Variants in HS3ST4 observed in about 807,000 individuals in gnomAD.
The protein encoded by HS3ST4 is heparan sulfate-glucosamine 3-sulfotransferase 4, also known as heparan sulfate glucosamine 3-O-sulfotransferase 4.
A neutral mutation model predicts 29.2 loss-of-function variants in HS3ST4; 17 were observed. The ratio of observed to expected loss-of-function variants is 0.58; its 90% CI spans 0.40 to 0.87. The LOEUF (loss-of-function observed/expected upper bound fraction) is 0.87, where lower values mean the gene tolerates loss of function less well. Among genes scored for constraint, HS3ST4 ranks in the 40% least tolerant of loss-of-function variants. The pLI is 0.00. For missense variants in HS3ST4, 627 were observed against 634.5 expected (o/e 0.99, Z 0.13); for synonymous variants, 314 against 285.7 (o/e 1.10, Z -1.00).
At chr16:25,942,589 C>A (rs528873663) in intron 1 of HS3ST4, among the ~76,000 whole-genome samples, 1 of 151,302 alleles carries the variant, frequency 6.6e-6, no homozygotes, top group South Asian at 2.1e-4. Flanking sequence ...TTATATTATT[C>A]TACTGTGTCA....
chr16:25,944,470 T>TG lies in HS3ST4; in HGVS notation c.735-191136dup, dbSNP rs374521021. On this transcript the variant is annotated intron_variant, in intron 1 of 1. Transcript: ENST00000331351. ...CCATGAATGCCTAAGCAAAACCCCC[T>TG]GGGGGGTAGGCACTAAAACCACAAT... Among the ~76,000 whole-genome samples the TG allele has an allele frequency of 3.0e-3, 456 of 152,332 alleles. 4 individuals are homozygous for TG. The Middle Eastern group carries it at 0.054, about 18-fold the overall frequency.
intron 1 of HS3ST4, among the ~76,000 whole-genome samples, chr16:26,036,657 G>T (rs567845757): frequency 3.3e-5 from 5 of 152,288 alleles, no homozygotes; most frequent in Admixed American, 1.3e-4. Flanking sequence ...TGTCTCTCCA[G>T]AGATATTAAA....
intron 1 of HS3ST4, among the ~76,000 whole-genome samples, chr16:25,933,902 C>T (rs1344479620): frequency 1.3e-5 from 2 of 152,162 alleles, no homozygotes; most frequent in African/African-American, 4.8e-5. Context: ...ATGAGGAATC[C>T]ACCCCCATAA....
chr16:25,809,190 C>T (rs1366860549), intron 1 of HS3ST4, among the ~76,000 whole-genome samples: 3 of 151,990 alleles, frequency 2.0e-5, no homozygotes, highest in African/African-American at 4.8e-5. Flanking sequence ...TGAGAAAGTA[C>T]GTAGTTTTTC....
chr16:25,867,898 A>G (rs1967712295), intron 1 of HS3ST4, among the ~76,000 whole-genome samples: 1 of 152,142 alleles, frequency 6.6e-6, no homozygotes, highest in Non-Finnish European at 1.5e-5. Context: ...ACACAGATAC[A>G]CAGGTAGATA....
chr16:25,784,158 T>C (rs1370741393), intron 1 of HS3ST4, among the ~76,000 whole-genome samples: 1 of 152,236 alleles, frequency 6.6e-6, no homozygotes, highest in Non-Finnish European at 1.5e-5. Flanking sequence ...GCAAAATTAA[T>C]CAATAAATTG....
intron 1 of HS3ST4, among the ~76,000 whole-genome samples, chr16:25,842,367 A>G (rs1967424285): frequency 2.0e-5 from 3 of 152,212 alleles, no homozygotes; most frequent in South Asian, 4.2e-4. Context: ...CAGTCAAACA[A>G]CATGGACTTC....
At chr16:26,021,106 T>C (rs1198661396) in intron 1 of HS3ST4, among the ~76,000 whole-genome samples, 2 of 152,226 alleles carry the variant, frequency 1.3e-5, no homozygotes, top group African/African-American at 4.8e-5. Flanking sequence ...AGTGAGGTAA[T>C]GATCACTGCA....
At chr16:25,846,737 A>G (rs1308637201) in intron 1 of HS3ST4, among the ~76,000 whole-genome samples, 2 of 152,128 alleles carry the variant, frequency 1.3e-5, no homozygotes, top group African/African-American at 4.8e-5. Context: ...ATATATATCT[A>G]TATTTTTAAT....
In HS3ST4 at chr16:25,793,332, T is replaced by C. The variant is rs1966874396; in HGVS notation, c.734+100181T>C. On this transcript the variant is annotated intron_variant, in intron 1 of 1. Coordinates refer to ENST00000331351, the MANE Select transcript of HS3ST4 (RefSeq NM_006040.3). ...TATTGATTAACATGATTTTTTTGGATATTTTGCTCTGCTTGTTCTACCAGT... is the reference window on the plus strand; with the variant it reads ...TATTGATTAACATGATTTTTTTGGACATTTTGCTCTGCTTGTTCTACCAGT... Among the ~76,000 whole-genome samples the C allele has an allele frequency of 2.0e-5, 3 of 151,978 alleles. No homozygotes were observed. The South Asian group carries it at 6.2e-4, about 31-fold the overall frequency.
At chr16:26,026,781 T>C (rs1172140793) in intron 1 of HS3ST4, among the ~76,000 whole-genome samples, 1 of 152,198 alleles carries the variant, frequency 6.6e-6, no homozygotes, top group Non-Finnish European at 1.5e-5. Context: ...CAATCAGATG[T>C]ACGCTCTGAG....
intron 1 of HS3ST4, among the ~76,000 whole-genome samples, chr16:25,759,750 C>T (rs543380928): frequency 2.7e-4 from 41 of 152,166 alleles, no homozygotes; most frequent in Admixed American, 5.9e-4. Context: ...CATAGTGAGA[C>T]GCCATCTCTA....
intron 1 of HS3ST4, among the ~76,000 whole-genome samples, chr16:25,931,756 C>T (rs553884151): frequency 3.3e-5 from 5 of 152,262 alleles, no homozygotes; most frequent in Middle Eastern, 3.4e-3. Flanking sequence ...ATGCAGAATT[C>T]GTTTAAGTCC....
At chr16:25,893,236 G>A (rs898549785) in intron 1 of HS3ST4, among the ~76,000 whole-genome samples, 2 of 152,188 alleles carry the variant, frequency 1.3e-5, no homozygotes, top group Admixed American at 1.3e-4. Context: ...TGAGAACTGC[G>A]AGAAGCCGAT....
chr16:26,064,974 G>C (rs1898525819), intron 1 of HS3ST4, among the ~76,000 whole-genome samples: 1 of 152,132 alleles, frequency 6.6e-6, no homozygotes, highest in African/African-American at 2.4e-5. Flanking sequence ...AAGTTAATCT[G>C]AGGTTGAATT....
At chr16:26,100,152 G>A (rs913880259) in intron 1 of HS3ST4, among the ~76,000 whole-genome samples, 4 of 152,050 alleles carry the variant, frequency 2.6e-5, no homozygotes, top group Non-Finnish European at 5.9e-5. Flanking sequence ...GAGGGAAGGA[G>A]CAGGACCAAG....
chr16:25,694,968 T>C lies in HS3ST4; in HGVS notation c.734+1817T>C, dbSNP rs1966283519. Reference sequence around the variant, plus strand: ...GTGGTGGAATGTGTATCAGGAAGTCTTATCACTGGGTCTGGAGAGTTTTCC... The same window carrying C: ...GTGGTGGAATGTGTATCAGGAAGTCCTATCACTGGGTCTGGAGAGTTTTCC... On this transcript the variant is annotated intron_variant, in intron 1 of 1. Transcript: ENST00000331351. Among the ~76,000 whole-genome samples, 3 of 152,168 alleles carry C rather than the reference T, an allele frequency of 2.0e-5. No individual in the cohort carries two copies. In the South Asian group the frequency reaches 6.2e-4, roughly 32 times the overall value.
At chr16:26,097,436 A>G (rs1898939862) in intron 1 of HS3ST4, among the ~76,000 whole-genome samples, 1 of 152,348 alleles carries the variant, frequency 6.6e-6, no homozygotes, top group Admixed American at 6.5e-5. Flanking sequence ...CCACACATCT[A>G]CAACTATCTG....
At chr16:25,805,908 A>G (rs991761411) in intron 1 of HS3ST4, among the ~76,000 whole-genome samples, 3 of 151,894 alleles carry the variant, frequency 2.0e-5, no homozygotes, top group South Asian at 2.1e-4. Context: ...TTCTGTGTCC[A>G]TGTGTTCTCA....
Sources: allele counts gnomAD v4.1 joint callset (sites outside exome capture counted in the v4.1 genomes callset), GRCh38; gene constraint gnomAD v4.1.1; transcripts MANE v1.5; gene names NCBI Gene and HGNC (gene_info 2026-07-23, HGNC 2026-07-21).